ARL6IP5: variants seen among roughly 807,000 people sequenced by gnomAD.
ARL6IP5 encodes PRA1 family protein 3.
ARL6IP5 carries 6 observed loss-of-function variants against 13.0 expected under a neutral mutation model. The ratio of observed to expected loss-of-function variants is 0.46; its 90% CI spans 0.25 to 0.91. The LOEUF is 0.91. ARL6IP5 is among the 40% of genes least tolerant of loss of function. The pLI is 0.17. For synonymous variants in ARL6IP5, 91 were observed against 91.9 expected (o/e 0.99, Z 0.06); for missense variants, 208 against 248.8 (o/e 0.84, Z 1.10).
intron 2 of ARL6IP5, among the ~76,000 whole-genome samples, chr3:69,102,459 T>C (rs2092308702): frequency 6.6e-6 from 1 of 152,162 alleles, no homozygotes; most frequent in African/African-American, 2.4e-5. Context: ...GGGGTTTTAC[T>C]ATGTTGCCCA....
At chr3:69,102,870 A>C (rs986416604) in intron 2 of ARL6IP5, among the ~76,000 whole-genome samples, 1 of 152,324 alleles carries the variant, frequency 6.6e-6, no homozygotes, top group African/African-American at 2.4e-5. Flanking sequence ...AGAGATCTAG[A>C]TATTCTCTAA....
intron 1 of ARL6IP5, chr3:69,089,792 A>G: frequency 2.2e-6 from 1 of 456,682 alleles, no homozygotes; most frequent in South Asian, 1.5e-5. Flanking sequence ...ATGTATATAC[A>G]TTTGTGCCTC....
rs1029623073 is a variant in ARL6IP5, at chr3:69,104,713, C to T, written c.*77C>T. 3.9e-6 allele frequency: 6 copies of T among 1,527,290 alleles called. No individual in the cohort carries two copies. In the African/African-American group the frequency reaches 4.2e-5, roughly 11 times the overall value. 94.6% of individuals were successfully genotyped at this position (1,527,290 alleles called of 1,614,324 possible). ...CTTGTCCAGACCTATGTTCTGCTTGCGTTTTTGAAACAGGAGGTGCACGTA... is the reference window on the plus strand; with the variant it reads ...CTTGTCCAGACCTATGTTCTGCTTGTGTTTTTGAAACAGGAGGTGCACGTA... On this transcript the variant is annotated 3_prime_UTR_variant, in exon 3 of 3. Coordinates refer to ENST00000273258, the MANE Select transcript of ARL6IP5 (RefSeq NM_006407.4).
rs1164733985 is a variant in ARL6IP5, at chr3:69,105,627, A to C, written c.*991A>C. Reference sequence around the variant, plus strand: ...AAGACTTTAAAAAATGGTAATGAAAATGGAATGCAGCTACTGCAGCTAATA... The same window carrying C: ...AAGACTTTAAAAAATGGTAATGAAACTGGAATGCAGCTACTGCAGCTAATA... On this transcript the variant is annotated 3_prime_UTR_variant, in exon 3 of 3. Transcript: ENST00000273258. 1 of 152,276 alleles carries C rather than the reference A, an allele frequency of 6.6e-6. No homozygotes were observed. The highest frequency in any genetic ancestry group is 2.4e-5 in the African/African-American group (1 of 41,484). The allele number at this position is 152,276 out of a possible 1,614,324, so 9.4% of individuals were successfully genotyped here.
At chr3:69,096,031 G>GTGTC (rs775463735) in intron 1 of ARL6IP5, among the ~76,000 whole-genome samples, 156 of 152,266 alleles carry the variant, frequency 1.0e-3, no homozygotes, top group African/African-American at 1.4e-3. Flanking sequence ...GTGTGTGTGT[G>GTGTC]TGTCTGTCTG....
chr3:69,098,459 G>A (rs533777986), intron 1 of ARL6IP5, among the ~76,000 whole-genome samples: 27 of 152,084 alleles, frequency 1.8e-4, no homozygotes, highest in African/African-American at 6.5e-4. Flanking sequence ...AGGCCAGGCT[G>A]GTCTTGAACT....
intron 1 of ARL6IP5, chr3:69,089,821 T>C (rs181389803): frequency 6.4e-5 from 29 of 456,610 alleles, no homozygotes; most frequent in African/African-American, 5.6e-4. Flanking sequence ...GATAGAACCA[T>C]GTAGCTGCTG....
intron 1 of ARL6IP5, among the ~76,000 whole-genome samples, chr3:69,092,854 A>C (rs1203670325): frequency 1.3e-5 from 2 of 151,384 alleles, no homozygotes; most frequent in African/African-American, 4.9e-5. Flanking sequence ...AAAATCATTC[A>C]AGAAGAACAG....
At position 69,104,767 on chromosome 3, in the gene ARL6IP5, GT is replaced by G; in HGVS notation, c.*132del. 9.8e-7 allele frequency: 1 copy of G among 1,021,390 alleles called. No individual in the cohort carries two copies. Among genetic ancestry groups the G allele is most frequent in the Non-Finnish European group, 1.5e-6 (1 of 673,692 alleles). 63.3% of individuals were successfully genotyped at this position (1,021,390 alleles called of 1,614,324 possible). A position where few individuals can be genotyped will look rare whatever the true frequency, so the allele number is the denominator to read the frequency against. ...CCCAATTATCTATGGCAGCATGCAT[GT>G]ATAGGCCGAACTATTATCAGCTCTG... On this transcript the variant is annotated 3_prime_UTR_variant, in exon 3 of 3. Transcript: ENST00000273258.
rs1260471713 is a variant in ARL6IP5 at position 69,087,224 on chromosome 3, G to C, written c.176+2001G>C. Among the ~76,000 whole-genome samples the C allele has an allele frequency of 2.0e-5, 3 of 152,020 alleles. No individual in the cohort carries two copies. The East Asian group carries it at 5.8e-4, about 30-fold the overall frequency. On this transcript the variant is annotated intron_variant, in intron 1 of 2. Coordinates refer to ENST00000273258, the MANE Select transcript of ARL6IP5 (RefSeq NM_006407.4). ...GATGGGGTCTCACTATGTTGCCCAG[G>C]CTGGTCTTGACTTCTGGGCTCAAGC...
chr3:69,093,565 C>G (rs2107512110), intron 1 of ARL6IP5, among the ~76,000 whole-genome samples: 1 of 152,106 alleles, frequency 6.6e-6, no homozygotes, highest in African/African-American at 2.4e-5. Flanking sequence ...GAGTTCGAGA[C>G]CAGCCTGGCC....
In ARL6IP5 at chr3:69,088,467, C is replaced by G. The variant is rs559643415; in HGVS notation, c.176+3244C>G. 4.6e-5 allele frequency among the ~76,000 whole-genome samples: 7 copies of G among 152,304 alleles called. No individual in the cohort carries two copies. In the South Asian group the frequency reaches 1.4e-3, roughly 32 times the overall value. On this transcript the variant is annotated intron_variant, in intron 1 of 2. Transcript: ENST00000273258. The stretch of plus-strand genomic sequence containing the variant: ...AGCCTCAGCTCTCCAATGTTGGAAA[C>G]TGGCTTAGATGAGGATAGAGAGGGC...
Position 69,104,785 on chromosome 3 carries a change from T to C in ARL6IP5, c.*149T>C, listed in dbSNP as rs969339856. Reference sequence around the variant, plus strand: ...CATGCATGTATAGGCCGAACTATTATCAGCTCTGATGTTTCAGAGAGAAGA... The same window carrying C: ...CATGCATGTATAGGCCGAACTATTACCAGCTCTGATGTTTCAGAGAGAAGA... On this transcript the variant is annotated 3_prime_UTR_variant, in exon 3 of 3. Transcript: ENST00000273258. 1.1e-6 allele frequency: 1 copy of C among 870,184 alleles called. No homozygotes were observed. Among genetic ancestry groups the C allele is most frequent in the Non-Finnish European group, 1.9e-6 (1 of 538,970 alleles). 53.9% of individuals were successfully genotyped at this position (870,184 alleles called of 1,614,324 possible). A position where few individuals can be genotyped will look rare whatever the true frequency, so the allele number is the denominator to read the frequency against.
chr3:69,091,655 T>A (rs886429759), intron 1 of ARL6IP5, among the ~76,000 whole-genome samples: 14 of 76,748 alleles, frequency 1.8e-4, no homozygotes, highest in African/African-American at 9.9e-4. Context: ...TCCGTCCAGC[T>A]TTTTTTTTTT....
chr3:69,088,463 G>A (rs925890971), intron 1 of ARL6IP5, among the ~76,000 whole-genome samples: 2 of 152,210 alleles, frequency 1.3e-5, no homozygotes, highest in African/African-American at 4.8e-5. Context: ...TCCAATGTTG[G>A]AAACTGGCTT....
chr3:69,099,309 T>C (rs1162678388), intron 1 of ARL6IP5, among the ~76,000 whole-genome samples: 1 of 152,072 alleles, frequency 6.6e-6, no homozygotes, highest in Non-Finnish European at 1.5e-5. Context: ...AGGCAGAGGT[T>C]GCAGTGAGCC....
Position 69,105,143 on chromosome 3 carries a change from A to T in ARL6IP5, c.*507A>T, listed in dbSNP as rs2092318734. On this transcript the variant is annotated 3_prime_UTR_variant, in exon 3 of 3. Coordinates refer to ENST00000273258, the MANE Select transcript of ARL6IP5 (RefSeq NM_006407.4). ...CAAAGATGATCTCTATCACTTTGCC[A>T]CCTGTTTGATGTGCAGTGGAAACTG... 1 of 408,028 alleles carries T rather than the reference A, an allele frequency of 2.5e-6. No homozygotes were observed. The highest frequency in any genetic ancestry group is 2.1e-5 in the African/African-American group (1 of 48,392). 25.3% of individuals were successfully genotyped at this position (408,028 alleles called of 1,614,324 possible).
intron 2 of ARL6IP5, among the ~76,000 whole-genome samples, chr3:69,103,860 T>G (rs1185928809): frequency 2.0e-5 from 3 of 152,162 alleles, no homozygotes; most frequent in African/African-American, 7.2e-5. Context: ...AAGGCTCAGG[T>G]GGAGGAGGTC....
In ARL6IP5 at chr3:69,105,684, A is replaced by G. The variant is rs2092320317; in HGVS notation, c.*1048A>G. The G allele has an allele frequency of 6.6e-6, 1 of 152,220 alleles. No individual in the cohort carries two copies. The highest frequency in any genetic ancestry group is 6.5e-5 in the Admixed American group (1 of 15,270). 9.4% of individuals were successfully genotyped at this position (152,220 alleles called of 1,614,324 possible). A position where few individuals can be genotyped will look rare whatever the true frequency, so the allele number is the denominator to read the frequency against. On this transcript the variant is annotated 3_prime_UTR_variant, in exon 3 of 3. Coordinates refer to ENST00000273258, the MANE Select transcript of ARL6IP5 (RefSeq NM_006407.4). ...TTTAGATAGCAATTGTTACAACCAT[A>G]TGCCTTTATAGCTAGACATTAGAAT...
Sources: gnomAD v4.1 joint callset for allele counts (sites outside exome capture counted in the v4.1 genomes callset) on GRCh38, gnomAD v4.1.1 for gene constraint, MANE v1.5 for transcripts, NCBI Gene and HGNC (gene_info 2026-07-23, HGNC 2026-07-21) for gene names.